MSH3: variants seen among roughly 807,000 people sequenced by gnomAD.
MSH3 encodes the protein DNA mismatch repair protein Msh3.
In MSH3, 106 loss-of-function variants were observed where a neutral mutation model predicts 123.3. The ratio of observed to expected loss-of-function variants is 0.86; its 90% CI spans 0.73 to 1.01. The LOEUF (loss-of-function observed/expected upper bound fraction) is 1.01. MSH3 is among the 50% of genes least tolerant of loss of function. The probability of loss-of-function intolerance (pLI) is 0.00; values close to 1 mark genes in which losing one functional copy is unlikely to be tolerated. For synonymous variants in MSH3, 515 were observed against 481.4 expected (o/e 1.07, Z -0.91); for missense variants, 1,459 against 1,347.6 (o/e 1.08, Z -1.29).
At chr5:80,764,376 CTTCTTCTTT>C (rs1423651372) in intron 13 of MSH3, among the ~76,000 whole-genome samples, 1 of 148,446 alleles carries the variant, frequency 6.7e-6, no homozygotes, top group East Asian at 2.1e-4. Context: ...GACATTTCTT[CTTCTTCTTT>C]TTTTTTTTGA....
intron 7 of MSH3, among the ~76,000 whole-genome samples, chr5:80,676,143 G>A (rs1384114910): frequency 6.6e-6 from 1 of 152,122 alleles, no homozygotes; most frequent in Non-Finnish European, 1.5e-5. Flanking sequence ...CAATTCTCCT[G>A]CCTCAGCCTC....
At chr5:80,821,149 C>T (rs1023646077) in intron 20 of MSH3, among the ~76,000 whole-genome samples, 8 of 152,016 alleles carry the variant, frequency 5.3e-5, no homozygotes, top group Admixed American at 2.0e-4. Flanking sequence ...ATTTTAAGTC[C>T]CATCTCTATG....
At chr5:80,760,479 C>T (rs1257482324) in intron 12 of MSH3, among the ~76,000 whole-genome samples, 3 of 152,194 alleles carry the variant, frequency 2.0e-5, no homozygotes, top group Admixed American at 2.0e-4. Context: ...GTCATATCCT[C>T]TGCACTTTCT....
At chr5:80,806,349 G>C (rs770405770) in intron 19 of MSH3, among the ~76,000 whole-genome samples, 6 of 152,114 alleles carry the variant, frequency 3.9e-5, no homozygotes, top group Admixed American at 1.3e-4. Context: ...TGCCCGCCTC[G>C]GCCTCCCAAA....
At chr5:80,871,459 C>A (rs1746214185) in intron 22 of MSH3, among the ~76,000 whole-genome samples, 1 of 152,298 alleles carries the variant, frequency 6.6e-6, no homozygotes, top group Admixed American at 6.5e-5. Flanking sequence ...CGGTTCCTCA[C>A]AGGGCTACAG....
intron 10 of MSH3, among the ~76,000 whole-genome samples, chr5:80,741,032 A>C (rs1743603845): frequency 6.6e-6 from 1 of 152,186 alleles, no homozygotes; most frequent in Non-Finnish European, 1.5e-5. Flanking sequence ...CTTGATTAAA[A>C]GTATTTATCA....
At chr5:80,679,759 T>G (rs974312477) in intron 8 of MSH3, among the ~76,000 whole-genome samples, 7 of 152,220 alleles carry the variant, frequency 4.6e-5, no homozygotes, top group African/African-American at 1.7e-4. Flanking sequence ...TGTGCATACC[T>G]AACTGGACTT....
intron 17 of MSH3, among the ~76,000 whole-genome samples, chr5:80,779,581 C>T (rs1183730333): frequency 1.4e-5 from 2 of 141,484 alleles, no homozygotes; most frequent in Non-Finnish European, 3.0e-5. Flanking sequence ...GGTGGAGTCT[C>T]ACTCTGTCAC....
chr5:80,716,256 T>G (rs1178556451), intron 8 of MSH3, among the ~76,000 whole-genome samples: 1 of 152,196 alleles, frequency 6.6e-6, no homozygotes, highest in Non-Finnish European at 1.5e-5. Context: ...TGCTTTATAT[T>G]TATTTCTTTA....
rs56404757 is a variant in MSH3, at chr5:80,873,328, CCTT to C, written c.3302+44_3302+46del. The C allele has an allele frequency of 2.4e-4, 388 of 1,598,616 alleles. 3 individuals carry two copies. The East Asian group carries it at 5.9e-3, about 24-fold the overall frequency. ...CTGCATTTTTTCATTTGTAATGAAA[CCTT>C]CTAAGTTGTCCAAGAAAGAGAGGAG... is the stretch of plus-strand genomic sequence containing the variant. On this transcript the variant is annotated intron_variant, in intron 23 of 23. Coordinates refer to ENST00000265081, the MANE Select transcript of MSH3 (RefSeq NM_002439.5).
intron 8 of MSH3, among the ~76,000 whole-genome samples, chr5:80,693,175 GTA>G (rs1394179889): frequency 4.4e-5 from 2 of 45,296 alleles, no homozygotes; most frequent in Non-Finnish European, 8.2e-5. Context: ...ACATGCACAT[GTA>G]TATGTTTATA....
At chr5:80,848,062 C>G (rs1048282259) in intron 20 of MSH3, among the ~76,000 whole-genome samples, 1 of 152,132 alleles carries the variant, frequency 6.6e-6, no homozygotes, top group Non-Finnish European at 1.5e-5. Flanking sequence ...GGAACCCCAT[C>G]TCTACTAAAG....
At chr5:80,748,584 G>A (rs559537332) in intron 12 of MSH3, among the ~76,000 whole-genome samples, 1 of 151,912 alleles carries the variant, frequency 6.6e-6, no homozygotes, top group East Asian at 1.9e-4. Flanking sequence ...ACATTGGCAT[G>A]CCATTATTCT....
At chr5:80,818,723 CAAGATAT>C (rs1221791159) in intron 20 of MSH3, among the ~76,000 whole-genome samples, 1 of 152,076 alleles carries the variant, frequency 6.6e-6, no homozygotes, top group East Asian at 1.9e-4. Flanking sequence ...ATTTGCTACC[CAAGATAT>C]ACATCACAAT....
At chr5:80,839,814 G>A (rs1745584894) in intron 20 of MSH3, among the ~76,000 whole-genome samples, 2 of 152,108 alleles carry the variant, frequency 1.3e-5, no homozygotes, top group South Asian at 4.1e-4. Context: ...CATGGTAGGA[G>A]GAAACTAAAG....
At chr5:80,683,273 G>GT (rs997284159) in intron 8 of MSH3, among the ~76,000 whole-genome samples, 8 of 151,740 alleles carry the variant, frequency 5.3e-5, no homozygotes, top group African/African-American at 9.7e-5. Flanking sequence ...TTTTTTGGTA[G>GT]TTTTTTTTCA....
At chr5:80,795,815 C>T (rs924064989) in intron 19 of MSH3, among the ~76,000 whole-genome samples, 2 of 151,978 alleles carry the variant, frequency 1.3e-5, no homozygotes, top group Non-Finnish European at 2.9e-5. Flanking sequence ...GAGGTCGAGA[C>T]CAACCTGGCC....
chr5:80,716,451 A>G (rs1750962868), intron 8 of MSH3, among the ~76,000 whole-genome samples: 1 of 151,440 alleles, frequency 6.6e-6, no homozygotes, highest in Non-Finnish European at 1.5e-5. Flanking sequence ...GTTTTTGCAG[A>G]GATTGGGTTT....
chr5:80,762,480 C>G (rs916879203), intron 13 of MSH3, among the ~76,000 whole-genome samples: 19 of 151,504 alleles, frequency 1.3e-4, no homozygotes, highest in African/African-American at 4.6e-4. Flanking sequence ...CTTGAATTAC[C>G]TTGGCTAATA....
Sources: gnomAD v4.1 joint callset for allele counts (sites outside exome capture counted in the v4.1 genomes callset) on GRCh38, gnomAD v4.1.1 for gene constraint, MANE v1.5 for transcripts, NCBI Gene and HGNC (gene_info 2026-07-23, HGNC 2026-07-21) for gene names.